TMEM154: variants seen among roughly 807,000 people sequenced by gnomAD.
TMEM154 encodes the protein transmembrane protein 154.
A neutral mutation model predicts 24.5 loss-of-function variants in TMEM154; 27 were observed. The ratio of observed to expected loss-of-function variants is 1.10; its 90% confidence interval spans 0.81 to 1.52. The LOEUF is 1.52. Among genes scored for constraint, TMEM154 ranks in the 40% most tolerant of loss-of-function variants. TMEM154 has a pLI of 0.00. For missense variants in TMEM154, 228 were observed against 213.4 expected, an observed-to-expected ratio of 1.07 and a Z score of -0.43; for synonymous variants, 67 against 76.8, an observed-to-expected ratio of 0.87 and a Z score of 0.67.
chr4:152,665,392 T>C (rs1211820089), intron 1 of TMEM154, among the ~76,000 whole-genome samples: 2 of 152,156 alleles, frequency 1.3e-5, no homozygotes, highest in Non-Finnish European at 2.9e-5. Flanking sequence ...CCTCGGTGAA[T>C]TTGAGAAAAA....
Position 152,679,870 on chromosome 4 carries a change from C to G in TMEM154, c.64G>C (p.Gly22Arg). The change falls in exon 1 of 7, where the codon GGT (glycine) becomes CGT (arginine). Residue 22 changes from glycine (G) to arginine (R), a missense_variant and splice_region_variant. Transcript: ENST00000304385. ...GGAGTAGGAAGTGGAGGCGGCTTAC[C>G]CCGGCCGACGGGAACGAGCGCGATC... ...LVIALVPVGR[G>R]NYEELENSGD... is the part of the protein sequence containing the mutation. The G allele has an allele frequency of 6.2e-7, 1 of 1,607,788 alleles. No individual in the cohort carries two copies. Among genetic ancestry groups the G allele is most frequent in the Non-Finnish European group, 8.5e-7 (1 of 1,177,808 alleles).
chr4:152,639,280 G>A (rs1325621175), intron 6 of TMEM154, among the ~76,000 whole-genome samples: 1 of 152,144 alleles, frequency 6.6e-6, no homozygotes, highest in Non-Finnish European at 1.5e-5. Flanking sequence ...AGATTTCACT[G>A]CCATACAATT....
intron 1 of TMEM154, among the ~76,000 whole-genome samples, chr4:152,658,376 A>C (rs1728532369): frequency 6.6e-6 from 1 of 152,250 alleles, no homozygotes; most frequent in Non-Finnish European, 1.5e-5. Flanking sequence ...ATGCATCTCA[A>C]GGAACTAGAA....
intron 6 of TMEM154, among the ~76,000 whole-genome samples, chr4:152,638,845 T>C (rs1752198593): frequency 6.6e-6 from 1 of 152,244 alleles, no homozygotes; most frequent in African/African-American, 2.4e-5. Context: ...ATCCTGTGAA[T>C]GCCACACAGC....
At chr4:152,634,088 A>C (rs1752103251) in intron 6 of TMEM154, among the ~76,000 whole-genome samples, 1 of 151,032 alleles carries the variant, frequency 6.6e-6, no homozygotes, top group South Asian at 2.1e-4. Context: ...AAAATCCTGT[A>C]TAGTAACAGG....
chr4:152,654,686 T>C (rs1728456774), intron 1 of TMEM154, among the ~76,000 whole-genome samples: 1 of 152,214 alleles, frequency 6.6e-6, no homozygotes, highest in African/African-American at 2.4e-5. Context: ...CCTTGCCATA[T>C]GTGGATACGG....
intron 6 of TMEM154, among the ~76,000 whole-genome samples, chr4:152,628,820 T>TG (rs1751975888): frequency 6.6e-6 from 1 of 150,910 alleles, no homozygotes; most frequent in South Asian, 2.1e-4. Context: ...GTATTTTTTT[T>TG]TTTTTTAGTA....
intron 3 of TMEM154, among the ~76,000 whole-genome samples, chr4:152,649,262 T>A (rs1431321833): frequency 6.6e-6 from 1 of 152,240 alleles, no homozygotes; most frequent in East Asian, 1.9e-4. Flanking sequence ...TTTGAGTAAC[T>A]TTTTGGAAAG....
Position 152,679,866 on chromosome 4 carries a change from T to G in TMEM154, c.64+4A>C, listed in dbSNP as rs1159585254. ...CCCAGGAGTAGGAAGTGGAGGCGGC[T>G]TACCCCGGCCGACGGGAACGAGCGC... On this transcript the variant is annotated splice_donor_region_variant and intron_variant, in intron 1 of 6. Coordinates refer to ENST00000304385, the MANE Select transcript of TMEM154 (RefSeq NM_152680.3). 3 of 1,606,750 alleles carry G rather than the reference T, an allele frequency of 1.9e-6. No individual in the cohort carries two copies. The highest frequency in any genetic ancestry group is 2.5e-6 in the Non-Finnish European group (3 of 1,177,374).
intron 1 of TMEM154, among the ~76,000 whole-genome samples, chr4:152,660,492 AC>A (rs1004359325): frequency 6.6e-6 from 1 of 151,584 alleles, no homozygotes; most frequent in African/African-American, 2.4e-5. Flanking sequence ...TCTGCCTTGT[AC>A]CCGGATTATC....
chr4:152,648,988 A>G (rs914638991), intron 3 of TMEM154, among the ~76,000 whole-genome samples: 2 of 152,244 alleles, frequency 1.3e-5, no homozygotes, highest in Non-Finnish European at 2.9e-5. Context: ...CAAGCAGTGG[A>G]GAAACATGTA....
chr4:152,644,422 C>A lies in TMEM154; in HGVS notation c.385G>T (p.Val129Leu). ...LQTYELGSEN[V>L]KVPIFEEDTP... ...GCAGCAGGGAAAACTTACACTTTCA[C>A]GTTTTCACTTCCCAGTTCATCTAAA... Residue 129 changes from valine to leucine, a missense_variant, in exon 4 of 7, where the codon GTG becomes TTG. By Grantham distance (32) the Val-to-Leu change is conservative. Transcript: ENST00000304385. 2 of 1,614,138 alleles carry A rather than the reference C, an allele frequency of 1.2e-6. No homozygotes were observed. The highest frequency in any genetic ancestry group is 1.1e-5 in the South Asian group (1 of 91,082).
At chr4:152,655,951 C>T (rs778028117) in intron 1 of TMEM154, among the ~76,000 whole-genome samples, 2 of 152,154 alleles carry the variant, frequency 1.3e-5, no homozygotes, top group Non-Finnish European at 2.9e-5. Flanking sequence ...CCAGCTCTCT[C>T]CCAGTGCAGT....
intron 3 of TMEM154, among the ~76,000 whole-genome samples, chr4:152,648,043 AGAAG>A (rs756292000): frequency 1.8e-4 from 27 of 152,180 alleles, no homozygotes. Context: ...AAGAAAAAAG[AGAAG>A]GAAGGAAGGA....
At chr4:152,659,926 T>C (rs1469334712) in intron 1 of TMEM154, among the ~76,000 whole-genome samples, 1 of 152,216 alleles carries the variant, frequency 6.6e-6, no homozygotes, top group Non-Finnish European at 1.5e-5. Context: ...AGTATGTGCA[T>C]GTGATCTCTC....
chr4:152,639,332 G>A (rs576957665), intron 6 of TMEM154, among the ~76,000 whole-genome samples: 135 of 152,242 alleles, frequency 8.9e-4, no homozygotes, highest in Middle Eastern at 3.4e-3. Flanking sequence ...CAATTTCAAA[G>A]AGCAAAAGGC....
chr4:152,675,394 G>A (rs911450424), intron 1 of TMEM154, among the ~76,000 whole-genome samples: 9 of 152,140 alleles, frequency 5.9e-5, no homozygotes, highest in East Asian at 1.9e-4. Context: ...TTGGGAGGCC[G>A]AGGAGGGTGG....
intron 6 of TMEM154, among the ~76,000 whole-genome samples, chr4:152,628,981 G>T (rs1311241492): frequency 2.6e-5 from 4 of 152,022 alleles, no homozygotes; most frequent in Admixed American, 2.6e-4. Flanking sequence ...AAGAGAGCTG[G>T]TCACTCCATT....
At chr4:152,647,480 C>G (rs1382380614) in intron 3 of TMEM154, among the ~76,000 whole-genome samples, 1 of 152,148 alleles carries the variant, frequency 6.6e-6, no homozygotes, top group Non-Finnish European at 1.5e-5. Flanking sequence ...TCAAATAAAA[C>G]TCTCCATCAA....
Sources: gnomAD v4.1 joint callset for allele counts (sites outside exome capture counted in the v4.1 genomes callset) on GRCh38, gnomAD v4.1.1 for gene constraint, MANE v1.5 for transcripts, NCBI Gene and HGNC (gene_info 2026-07-23, HGNC 2026-07-21) for gene names.